The following TRIM16 variants were observed in gnomAD, a reference collection of about 807,000 sequenced individuals.
The protein encoded by TRIM16 is tripartite motif containing 16.
A neutral mutation model predicts 50.4 loss-of-function variants in TRIM16; 33 were observed. The ratio of observed to expected loss-of-function variants is 0.65; its 90% CI spans 0.50 to 0.88. TRIM16 has a LOEUF of 0.88. TRIM16 is among the 40% of genes least tolerant of loss of function. TRIM16 has a pLI of 0.00. For synonymous variants in TRIM16, 229 were observed against 270.7 expected (o/e 0.85, Z 1.51); for missense variants, 581 against 686.8 (o/e 0.85, Z 1.72).
At chr17:15,639,047 T>C (rs79943682) in intron 8 of TRIM16, among the ~76,000 whole-genome samples, 3,722 of 81,064 alleles carry the variant, frequency 0.046, 62 homozygotes, top group South Asian at 0.1. Flanking sequence ...CTCTCTCTCT[T>C]TTTTTTTTTT....
Position 15,650,343 on chromosome 17 carries a change from A to G in TRIM16, c.519+748T>C, listed in dbSNP as rs1295754438. On this transcript the variant is annotated intron_variant, in intron 7 of 11. Coordinates refer to ENST00000649191, the MANE Select transcript of TRIM16 (RefSeq NM_001348119.1). ...AAGGAAAAAAGCATATGAGGTGCCA[A>G]ACCAATTTCCAGGAACTTCTCCAGG... is the stretch of plus-strand genomic sequence containing the variant. Among the ~76,000 whole-genome samples the G allele has an allele frequency of 2.6e-5, 4 of 152,336 alleles. No individual in the cohort carries two copies. The East Asian group carries it at 7.7e-4, about 29-fold the overall frequency.
rs971912391 is a variant in TRIM16, at chr17:15,636,360, A to C, written c.616-91T>G. ...CTCAACATACAGAAATGTCAGCTTG[A>C]GAAACACATATATTAGGGAGCAGTT... On this transcript the variant is annotated intron_variant, in intron 8 of 11. Coordinates refer to ENST00000649191, the MANE Select transcript of TRIM16 (RefSeq NM_001348119.1). 6.5e-6 allele frequency: 9 copies of C among 1,389,242 alleles called. No homozygotes were observed. In the Admixed American group the frequency reaches 1.1e-4, roughly 17 times the overall value. The allele number at this position is 1,389,242 out of a possible 1,614,324, so 86.1% of individuals were successfully genotyped here.
chr17:15,628,105 G>T lies in TRIM16; in HGVS notation c.*510C>A, dbSNP rs1344872688. 2 of 152,960 alleles carry T rather than the reference G, an allele frequency of 1.3e-5. No homozygotes were observed. Among genetic ancestry groups the T allele is most frequent in the Non-Finnish European group, 2.9e-5 (2 of 68,706 alleles). 9.5% of individuals were successfully genotyped at this position (152,960 alleles called of 1,614,324 possible). A position where few individuals can be genotyped will look rare whatever the true frequency, so the allele number is the denominator to read the frequency against. ...GGCACTAGAAGATGAGGGAGATTTG[G>T]TGCCTAAAAATTACTACAAACAGGC... On this transcript the variant is annotated 3_prime_UTR_variant, in exon 12 of 12. Coordinates refer to ENST00000649191, the MANE Select transcript of TRIM16 (RefSeq NM_001348119.1).
At chr17:15,674,523 C>G (rs1332308541) in intron 6 of TRIM16, among the ~76,000 whole-genome samples, 2 of 152,098 alleles carry the variant, frequency 1.3e-5, no homozygotes, top group Non-Finnish European at 2.9e-5. Context: ...TCCCCTCCCC[C>G]ACACTGCCCC....
intron 6 of TRIM16, among the ~76,000 whole-genome samples, chr17:15,673,721 G>C: frequency 6.6e-6 from 1 of 152,188 alleles, no homozygotes; most frequent in African/African-American, 2.4e-5. Flanking sequence ...TGTAAGTGTT[G>C]AGTCACAGCA....
chr17:15,658,709 C>A (rs1392866825), intron 6 of TRIM16: 1 of 712,198 alleles, frequency 1.4e-6, no homozygotes, highest in East Asian at 1.3e-4. Context: ...ATTCACTTTG[C>A]AATTTTTCTC....
In TRIM16 at chr17:15,651,266, T is replaced by G; in HGVS notation, c.344A>C (p.Gln115Pro). 6.2e-7 allele frequency: 1 copy of G among 1,614,244 alleles called. No individual in the cohort carries two copies. Among genetic ancestry groups the G allele is most frequent in the Non-Finnish European group, 8.5e-7 (1 of 1,180,038 alleles). Residue 115 changes from glutamine (Q) to proline (P), a missense_variant, in exon 7 of 12, where the codon CAA becomes CCA. Coordinates refer to ENST00000649191, the MANE Select transcript of TRIM16 (RefSeq NM_001348119.1). ...LQPHQVNIKL[Q>P]SHLLTEPVKD... ...CACTGGCTCGGTCAGCAGGTGGCTT[T>G]GCAGTTTGATGTTCACCTGATGCGG... is the stretch of plus-strand genomic sequence containing the variant.
At chr17:15,661,231 C>T (rs1003333488) in intron 6 of TRIM16, among the ~76,000 whole-genome samples, 1 of 152,184 alleles carries the variant, frequency 6.6e-6, no homozygotes, top group Non-Finnish European at 1.5e-5. Context: ...AAAAACCTTA[C>T]AGTTTGTGAG....
intron 6 of TRIM16, among the ~76,000 whole-genome samples, chr17:15,658,526 A>G (rs1392398067): frequency 6.6e-6 from 1 of 152,196 alleles, no homozygotes; most frequent in Non-Finnish European, 1.5e-5. Context: ...AAATAAAAAT[A>G]ATATCATAAA....
chr17:15,637,354 C>G, intron 8 of TRIM16, among the ~76,000 whole-genome samples: 1 of 104,634 alleles, frequency 9.6e-6, no homozygotes, highest in African/African-American at 4.7e-5. Flanking sequence ...ATGGGGGGGT[C>G]AGCCCCCCTA....
At position 15,651,939 on chromosome 17, in the gene TRIM16, T is replaced by C; in HGVS notation, c.-330A>G. 1.6e-6 allele frequency: 2 copies of C among 1,254,258 alleles called. No homozygotes were observed. The highest frequency in any genetic ancestry group is 2.0e-6 in the Non-Finnish European group (2 of 991,992). The allele number at this position is 1,254,258 out of a possible 1,614,324, so 77.7% of individuals were successfully genotyped here. Reference sequence around the variant, plus strand: ...CTCTGCTGAAGACCACGTGTCTCTGTGCCTGCTCTGGAAAGGACAGAAGAT... The same window carrying C: ...CTCTGCTGAAGACCACGTGTCTCTGCGCCTGCTCTGGAAAGGACAGAAGAT... On this transcript the variant is annotated 5_prime_UTR_variant, in exon 7 of 12. Coordinates refer to ENST00000649191, the MANE Select transcript of TRIM16 (RefSeq NM_001348119.1).
Position 15,677,712 on chromosome 17 carries a change from G to C in TRIM16, c.-580C>G, listed in dbSNP as rs898720836. 2 of 996,096 alleles carry C rather than the reference G, an allele frequency of 2.0e-6. No homozygotes were observed. The highest frequency in any genetic ancestry group is 1.2e-4 in the Admixed American group (2 of 16,896). The allele number at this position is 996,096 out of a possible 1,614,324, so 61.7% of individuals were successfully genotyped here. On this transcript the variant is annotated 5_prime_UTR_variant, in exon 5 of 12. Coordinates refer to ENST00000649191, the MANE Select transcript of TRIM16 (RefSeq NM_001348119.1). ...AATGACATAAAGCCCTGAAACACCT[G>C]CATGGGGTTCTGAAGAAAAAGTTAC... is the stretch of plus-strand genomic sequence containing the variant.
intron 8 of TRIM16, among the ~76,000 whole-genome samples, chr17:15,640,750 C>A (rs749375009): frequency 2.0e-5 from 3 of 148,734 alleles, no homozygotes; most frequent in Admixed American, 6.7e-5. Context: ...TTGATCCAGG[C>A]TCTGCATTAG....
intron 8 of TRIM16, among the ~76,000 whole-genome samples, chr17:15,641,191 G>C (rs1987100084): frequency 6.8e-6 from 1 of 148,062 alleles, no homozygotes; most frequent in Non-Finnish European, 1.5e-5. Context: ...TTTCTTGCAT[G>C]TAAATGTAAT....
intron 1 of TRIM16, chr17:15,683,443 G>A (rs1328898019): frequency 9.1e-6 from 2 of 220,604 alleles, no homozygotes; most frequent in Non-Finnish European, 1.8e-5. Context: ...CAGGGTGGTG[G>A]AAAGTGCCCT....
At chr17:15,670,569 T>C (rs1988683734) in intron 6 of TRIM16, among the ~76,000 whole-genome samples, 1 of 152,174 alleles carries the variant, frequency 6.6e-6, no homozygotes, top group Admixed American at 6.5e-5. Context: ...CATTTAACCT[T>C]TCCAGATCTC....
Position 15,636,351 on chromosome 17 carries a change from G to A in TRIM16, c.616-82C>T, listed in dbSNP as rs1185350313. ...TGATAGAAACTCAACATACAGAAAT[G>A]TCAGCTTGAGAAACACATATATTAG... On this transcript the variant is annotated intron_variant, in intron 8 of 11. Transcript: ENST00000649191. 40 of 1,477,914 alleles carry A rather than the reference G, an allele frequency of 2.7e-5. 2 individuals are homozygous for A. The highest frequency in any genetic ancestry group is 3.6e-5 in the Non-Finnish European group (38 of 1,070,410). The allele number at this position is 1,477,914 out of a possible 1,614,324, so 91.6% of individuals were successfully genotyped here. A position where few individuals can be genotyped will look rare whatever the true frequency, so the allele number is the denominator to read the frequency against.
intron 4 of TRIM16, among the ~76,000 whole-genome samples, chr17:15,678,422 G>C (rs1490507549): frequency 1.3e-5 from 2 of 152,088 alleles, no homozygotes; most frequent in African/African-American, 4.8e-5. Context: ...ACCTCCTGTA[G>C]TTAGACCTGG....
At chr17:15,654,883 C>T (rs1469969823) in intron 6 of TRIM16, among the ~76,000 whole-genome samples, 1 of 152,116 alleles carries the variant, frequency 6.6e-6, no homozygotes, top group Non-Finnish European at 1.5e-5. Flanking sequence ...TAAGTATCCT[C>T]CTCAATCCCT....
Sources: gnomAD v4.1 joint callset for allele counts (sites outside exome capture counted in the v4.1 genomes callset) on GRCh38, gnomAD v4.1.1 for gene constraint, MANE v1.5 for transcripts, NCBI Gene and HGNC (gene_info 2026-07-23, HGNC 2026-07-21) for gene names.